TFEC: variants seen among roughly 807,000 people sequenced by gnomAD.
TFEC encodes class E basic helix-loop-helix protein 34.
A neutral mutation model predicts 41.6 loss-of-function variants in TFEC; 31 were observed. The observed-to-expected ratio is 0.74, with a 90% confidence interval of 0.56 to 1.01. TFEC has a LOEUF of 1.01. Among genes scored for constraint, TFEC ranks in the 50% least tolerant of loss-of-function variants. TFEC has a pLI of 0.00. For missense variants in TFEC, 402 were observed against 404.1 expected, an observed-to-expected ratio of 0.99 and a Z score of 0.04; for synonymous variants, 143 against 140.6, an observed-to-expected ratio of 1.02 and a Z score of -0.12.
At chr7:116,025,239 C>A (rs1795543318) in intron 1 of TFEC, among the ~76,000 whole-genome samples, 1 of 152,058 alleles carries the variant, frequency 6.6e-6, no homozygotes, top group Non-Finnish European at 1.5e-5. Context: ...GGCAGGCTTC[C>A]CTGAGGCTGT....
At chr7:116,085,320 T>C (rs1276123912) in intron 3 of TFEC, among the ~76,000 whole-genome samples, 4 of 151,894 alleles carry the variant, frequency 2.6e-5, no homozygotes, top group Non-Finnish European at 5.9e-5. Flanking sequence ...ATTTTTGTAC[T>C]ACTGAGAATG....
At chr7:116,137,475 A>G (rs909116018) in intron 1 of TFEC, among the ~76,000 whole-genome samples, 10 of 152,142 alleles carry the variant, frequency 6.6e-5, no homozygotes, top group African/African-American at 2.4e-4. Flanking sequence ...ATAGGCCTTG[A>G]CAGTGACTCT....
intron 1 of TFEC, among the ~76,000 whole-genome samples, chr7:116,150,043 T>A (rs1584574901): frequency 6.8e-6 from 1 of 147,410 alleles, no homozygotes; most frequent in African/African-American, 2.5e-5. Flanking sequence ...CCCCACCAAG[T>A]AAATTCTGAA....
chr7:116,111,782 G>A (rs1797860779), intron 2 of TFEC, among the ~76,000 whole-genome samples: 1 of 151,954 alleles, frequency 6.6e-6, no homozygotes, highest in Non-Finnish European at 1.5e-5. Context: ...TAACACTAAT[G>A]TGAAGTAACT....
At chr7:116,123,285 C>G (rs547916772) in intron 1 of TFEC, among the ~76,000 whole-genome samples, 1 of 152,016 alleles carries the variant, frequency 6.6e-6, no homozygotes, top group Non-Finnish European at 1.5e-5. Context: ...AACACTGAAG[C>G]CTCTCCTTTT....
intron 3 of TFEC, among the ~76,000 whole-genome samples, chr7:116,100,770 G>A (rs1797586138): frequency 6.6e-6 from 1 of 151,996 alleles, no homozygotes; most frequent in South Asian, 2.1e-4. Flanking sequence ...TATTATGTGG[G>A]CTATCTATCT....
chr7:115,961,538 T>C (rs1479381966), intron 3 of TFEC, among the ~76,000 whole-genome samples: 1 of 151,312 alleles, frequency 6.6e-6, no homozygotes, highest in Admixed American at 6.6e-5. Context: ...GAAACTAGAA[T>C]AGATAATATA....
Position 115,936,284 on chromosome 7 carries a change from C to T in TFEC, c.*4267G>A, listed in dbSNP as rs1301268644. The T allele has an allele frequency of 1.3e-5, 2 of 151,574 alleles. No homozygotes were observed. Among genetic ancestry groups the T allele is most frequent in the African/African-American group, 4.8e-5 (2 of 41,380 alleles). 9.4% of individuals were successfully genotyped at this position (151,574 alleles called of 1,614,324 possible). On this transcript the variant is annotated 3_prime_UTR_variant, in exon 8 of 8. Coordinates refer to ENST00000265440, the MANE Select transcript of TFEC (RefSeq NM_012252.4). ...ATGTATACTAAGTCAAACTGACATA[C>T]TTATCAACATATAGGGCACTGGAGG...
chr7:116,067,867 A>G (rs568504992), intron 3 of TFEC, among the ~76,000 whole-genome samples: 156 of 151,924 alleles, frequency 1.0e-3, no homozygotes, highest in African/African-American at 3.4e-3. Context: ...TCCTTGATGG[A>G]AGAGGGAAGG....
intron 1 of TFEC, among the ~76,000 whole-genome samples, chr7:116,138,394 C>G (rs931111712): frequency 1.3e-5 from 2 of 152,058 alleles, no homozygotes; most frequent in Non-Finnish European, 2.9e-5. Context: ...CTAGATGTCC[C>G]CAGTACGTCA....
At chr7:116,124,708 A>G (rs1469707434) in intron 1 of TFEC, among the ~76,000 whole-genome samples, 3 of 152,138 alleles carry the variant, frequency 2.0e-5, no homozygotes, top group Non-Finnish European at 4.4e-5. Flanking sequence ...AACTGACTCT[A>G]TCTTGAGGAG....
chr7:115,955,257 G>C (rs1480473894), intron 4 of TFEC, among the ~76,000 whole-genome samples: 2 of 151,996 alleles, frequency 1.3e-5, no homozygotes, highest in African/African-American at 4.8e-5. Context: ...TTCACACCTT[G>C]TAATTCCCTC....
At chr7:116,085,558 A>C (rs182592247) in intron 3 of TFEC, among the ~76,000 whole-genome samples, 161 of 152,096 alleles carry the variant, frequency 1.1e-3, no homozygotes, top group African/African-American at 3.5e-3. Flanking sequence ...CAACTGTGTC[A>C]AAAGAACATG....
intron 3 of TFEC, among the ~76,000 whole-genome samples, chr7:115,958,790 C>T (rs1334996543): frequency 6.6e-6 from 1 of 151,720 alleles, no homozygotes; most frequent in Non-Finnish European, 1.5e-5. Context: ...TAATTAATAT[C>T]CTATTTAATT....
intron 1 of TFEC, among the ~76,000 whole-genome samples, chr7:116,123,932 G>A (rs1333505347): frequency 6.6e-6 from 1 of 152,054 alleles, no homozygotes; most frequent in African/African-American, 2.4e-5. Context: ...CATAACACAA[G>A]AGCTCAAAGA....
chr7:115,991,798 CA>C (rs1794129690), intron 1 of TFEC, among the ~76,000 whole-genome samples: 1 of 152,150 alleles, frequency 6.6e-6, no homozygotes, highest in Non-Finnish European at 1.5e-5. Flanking sequence ...GACAGATCAA[CA>C]AGACAGAAAG....
intron 3 of TFEC, among the ~76,000 whole-genome samples, chr7:116,060,578 G>T (rs949037159): frequency 1.3e-5 from 2 of 152,112 alleles, no homozygotes; most frequent in Non-Finnish European, 2.9e-5. Flanking sequence ...GGATACAGCT[G>T]GGGGCTATTA....
intron 3 of TFEC, among the ~76,000 whole-genome samples, chr7:115,972,206 C>CG (rs1345728878): frequency 6.6e-6 from 1 of 152,066 alleles, no homozygotes; most frequent in Non-Finnish European, 1.5e-5. Flanking sequence ...ATATTTCAAA[C>CG]ATCACCTCTT....
chr7:116,145,751 T>A (rs1455173092), intron 1 of TFEC, among the ~76,000 whole-genome samples: 2 of 152,154 alleles, frequency 1.3e-5, no homozygotes, highest in Admixed American at 6.5e-5. Context: ...CTTGAATTCT[T>A]CACTTACTGA....
Sources: gnomAD v4.1 joint callset for allele counts (sites outside exome capture counted in the v4.1 genomes callset) on GRCh38, gnomAD v4.1.1 for gene constraint, MANE v1.5 for transcripts, NCBI Gene and HGNC (gene_info 2026-07-23, HGNC 2026-07-21) for gene names.